The following CDK14 variants were observed in gnomAD, a reference collection of about 807,000 sequenced individuals.
CDK14 encodes cyclin-dependent kinase 14.
A neutral mutation model predicts 60.7 loss-of-function variants in CDK14; 34 were observed. That is an observed-to-expected ratio of 0.56 (90% CI 0.43 to 0.75). The LOEUF (loss-of-function observed/expected upper bound fraction) is 0.75, where lower values mean the gene tolerates loss of function less well. CDK14 is among the 30% of genes least tolerant of loss of function. The probability of loss-of-function intolerance (pLI) is 0.00; values close to 1 mark genes in which losing one functional copy is unlikely to be tolerated. For synonymous variants in CDK14, 197 were observed against 203.7 expected, an observed-to-expected ratio of 0.97 and a Z score of 0.28; for missense variants, 482 against 564.1, an observed-to-expected ratio of 0.85 and a Z score of 1.47.
At chr7:90,842,204 A>G (rs927841551) in intron 5 of CDK14, among the ~76,000 whole-genome samples, 1 of 152,186 alleles carries the variant, frequency 6.6e-6, no homozygotes, top group African/African-American at 2.4e-5. Flanking sequence ...ATATTTTCTT[A>G]CAAGATGCTA....
intron 14 of CDK14, among the ~76,000 whole-genome samples, chr7:91,204,540 G>A (rs1368276418): frequency 1.3e-5 from 2 of 152,184 alleles, no homozygotes; most frequent in African/African-American, 2.4e-5. Flanking sequence ...ACCAGAATGT[G>A]TAAAGAACTC....
chr7:91,117,475 T>C (rs1584085610), intron 13 of CDK14, among the ~76,000 whole-genome samples: 1 of 152,116 alleles, frequency 6.6e-6, no homozygotes, highest in South Asian at 2.1e-4. Flanking sequence ...GACATACGCA[T>C]GGTTTGCCCT....
intron 12 of CDK14, among the ~76,000 whole-genome samples, chr7:91,107,128 A>G (rs535563123): frequency 2.6e-5 from 4 of 152,314 alleles, no homozygotes; most frequent in African/African-American, 7.2e-5. Flanking sequence ...CAGGAGGTTC[A>G]TTTCACGTCC....
intron 4 of CDK14, among the ~76,000 whole-genome samples, chr7:90,778,627 C>T (rs1426408669): frequency 6.6e-6 from 1 of 152,184 alleles, no homozygotes; most frequent in Non-Finnish European, 1.5e-5. Flanking sequence ...GGCTCCTGTC[C>T]TCTCTAGCTC....
intron 11 of CDK14, among the ~76,000 whole-genome samples, chr7:91,078,905 T>C (rs1798400461): frequency 1.3e-5 from 2 of 152,300 alleles, no homozygotes; most frequent in South Asian, 4.2e-4. Context: ...CATGTTCCTT[T>C]TTAAACTAAA....
rs563337252 is a variant in CDK14, at chr7:91,032,479, G to A, written c.1042-13418G>A. Reference sequence around the variant, plus strand: ...ATTAAGTTGAGGGTCGTGAAATGGGGTAATTATCGTTGAGTATCCAGGTAA... The same window carrying A: ...ATTAAGTTGAGGGTCGTGAAATGGGATAATTATCGTTGAGTATCCAGGTAA... On this transcript the variant is annotated intron_variant, in intron 10 of 14. Transcript: ENST00000380050. Among the ~76,000 whole-genome samples the A allele has an allele frequency of 1.5e-3, 223 of 152,308 alleles. 2 individuals are homozygous for A. The highest frequency in any genetic ancestry group is 2.8e-3 in the Admixed American group (43 of 15,302).
chr7:90,724,629 T>C (rs1372936135), intron 2 of CDK14, among the ~76,000 whole-genome samples: 1 of 152,056 alleles, frequency 6.6e-6, no homozygotes, highest in East Asian at 1.9e-4. Context: ...TCGTATTTTG[T>C]GTTTTCATTT....
intron 10 of CDK14, among the ~76,000 whole-genome samples, chr7:90,989,210 A>G (rs1414153231): frequency 7.9e-5 from 12 of 152,048 alleles, no homozygotes; most frequent in Non-Finnish European, 1.6e-4. Flanking sequence ...TGGAACCATA[A>G]TCCTGCAGCT....
intron 4 of CDK14, among the ~76,000 whole-genome samples, chr7:90,787,289 C>T (rs1332334951): frequency 6.6e-6 from 1 of 151,892 alleles, no homozygotes; most frequent in Non-Finnish European, 1.5e-5. Flanking sequence ...AACATGTCTG[C>T]TGGATGCAAA....
At chr7:90,696,169 G>T (rs1801651135) in intron 2 of CDK14, among the ~76,000 whole-genome samples, 1 of 152,042 alleles carries the variant, frequency 6.6e-6, no homozygotes, top group Non-Finnish European at 1.5e-5. Context: ...TTGTTGGAGT[G>T]GATATAGGGT....
chr7:91,033,881 A>G (rs779254581), intron 10 of CDK14, among the ~76,000 whole-genome samples: 1 of 152,196 alleles, frequency 6.6e-6, no homozygotes. Flanking sequence ...AGTTGTTGAG[A>G]TGAGAGTGAA....
At chr7:91,074,415 G>T (rs994900764) in intron 11 of CDK14, among the ~76,000 whole-genome samples, 1 of 152,120 alleles carries the variant, frequency 6.6e-6, no homozygotes, top group African/African-American at 2.4e-5. Context: ...GGTAAATAAT[G>T]AAATTAAGGC....
At chr7:90,940,447 C>T (rs1793884722) in intron 8 of CDK14, among the ~76,000 whole-genome samples, 1 of 152,074 alleles carries the variant, frequency 6.6e-6, no homozygotes, top group African/African-American at 2.4e-5. Context: ...TTGCTACAAA[C>T]AATGTCACAA....
intron 14 of CDK14, among the ~76,000 whole-genome samples, chr7:91,125,565 C>A (rs1005147855): frequency 6.6e-6 from 1 of 151,994 alleles, no homozygotes; most frequent in African/African-American, 2.4e-5. Flanking sequence ...CAAACACACA[C>A]CATTCATACA....
chr7:90,948,491 G>A (rs1367732397), intron 8 of CDK14, among the ~76,000 whole-genome samples: 1 of 152,216 alleles, frequency 6.6e-6, no homozygotes, highest in African/African-American at 2.4e-5. Context: ...GAATCACTGA[G>A]CATTAGTACT....
intron 11 of CDK14, among the ~76,000 whole-genome samples, chr7:91,075,960 A>G (rs986603165): frequency 6.6e-6 from 1 of 152,138 alleles, no homozygotes; most frequent in Non-Finnish European, 1.5e-5. Context: ...TGCTCAAGAA[A>G]ATAAGAGAGG....
intron 10 of CDK14, among the ~76,000 whole-genome samples, chr7:91,038,643 A>G (rs1584256003): frequency 6.6e-6 from 1 of 152,332 alleles, no homozygotes; most frequent in Non-Finnish European, 1.5e-5. Context: ...TTGGAAATAC[A>G]CGTGTAAAGG....
At chr7:90,793,306 T>C (rs1283458794) in intron 5 of CDK14, among the ~76,000 whole-genome samples, 1 of 152,268 alleles carries the variant, frequency 6.6e-6, no homozygotes, top group East Asian at 1.9e-4. Context: ...AAATCATAAG[T>C]TGAAGAATAA....
intron 14 of CDK14, among the ~76,000 whole-genome samples, chr7:91,136,493 T>G (rs991504450): frequency 6.6e-6 from 1 of 152,198 alleles, no homozygotes; most frequent in African/African-American, 2.4e-5. Flanking sequence ...GTAACATGGG[T>G]ATCTGTGAGT....
Sources: allele counts gnomAD v4.1 joint callset (sites outside exome capture counted in the v4.1 genomes callset), GRCh38; gene constraint gnomAD v4.1.1; transcripts MANE v1.5; gene names NCBI Gene and HGNC (gene_info 2026-07-23, HGNC 2026-07-21).